The following KCND2 variants were observed in gnomAD, a reference collection of about 807,000 sequenced individuals.
The protein encoded by KCND2 is potassium voltage-gated channel subfamily D member 2.
In KCND2, 16 loss-of-function variants were observed where a neutral mutation model predicts 54.4. That is an observed-to-expected ratio of 0.29 (90% confidence interval 0.20 to 0.45). KCND2 has a LOEUF of 0.45. Ranked by LOEUF, KCND2 falls within the 20% of genes least tolerant of loss-of-function variation. The pLI is 1.00. For missense variants in KCND2, 486 were observed against 824.2 expected (o/e 0.59, Z 5.02); for synonymous variants, 317 against 310.7 (o/e 1.02, Z -0.21).
At chr7:120,629,216 A>G (rs894483839) in intron 1 of KCND2, among the ~76,000 whole-genome samples, 7 of 152,212 alleles carry the variant, frequency 4.6e-5, no homozygotes, top group Admixed American at 2.0e-4. Flanking sequence ...GGCCGGGCAC[A>G]GTGGCTCACG....
intron 1 of KCND2, among the ~76,000 whole-genome samples, chr7:120,719,575 C>T (rs1354952016): frequency 3.9e-5 from 6 of 152,114 alleles, no homozygotes; most frequent in Non-Finnish European, 8.8e-5. Flanking sequence ...CATCTGCAAT[C>T]TTATAATCTC....
chr7:120,689,024 G>GC (rs1341082531), intron 1 of KCND2, among the ~76,000 whole-genome samples: 1 of 152,074 alleles, frequency 6.6e-6, no homozygotes, highest in African/African-American at 2.4e-5. Flanking sequence ...TCCAATTGGT[G>GC]CCCCCTCTGC....
chr7:120,507,629 T>G (rs1251539987), intron 1 of KCND2, among the ~76,000 whole-genome samples: 1 of 151,892 alleles, frequency 6.6e-6, no homozygotes, highest in African/African-American at 2.4e-5. Flanking sequence ...GAATATGAGG[T>G]GACCTTAAGA....
chr7:120,363,250 T>A (rs1178501969), intron 1 of KCND2, among the ~76,000 whole-genome samples: 1 of 152,044 alleles, frequency 6.6e-6, no homozygotes, highest in Non-Finnish European at 1.5e-5. Flanking sequence ...GAGCTTTTAT[T>A]GTGTCACTGC....
At chr7:120,314,027 A>T (rs1799777971) in intron 1 of KCND2, among the ~76,000 whole-genome samples, 1 of 151,962 alleles carries the variant, frequency 6.6e-6, no homozygotes, top group South Asian at 2.1e-4. Flanking sequence ...TTAAAAAATC[A>T]ACAAATACAG....
At chr7:120,624,861 C>A (rs1436281849) in intron 1 of KCND2, among the ~76,000 whole-genome samples, 1 of 151,338 alleles carries the variant, frequency 6.6e-6, no homozygotes, top group African/African-American at 2.4e-5. Context: ...ATGTGAAAAA[C>A]AGAAATGACA....
chr7:120,432,360 T>C (rs1256381604), intron 1 of KCND2, among the ~76,000 whole-genome samples: 4 of 152,194 alleles, frequency 2.6e-5, no homozygotes, highest in African/African-American at 7.2e-5. Flanking sequence ...ACTTCATTGC[T>C]TTTAATAACC....
intron 1 of KCND2, among the ~76,000 whole-genome samples, chr7:120,618,620 G>A (rs574611275): frequency 1.3e-5 from 2 of 151,914 alleles, no homozygotes; most frequent in Admixed American, 6.6e-5. Context: ...TGCAGGCTTT[G>A]TATTGTCTTC....
chr7:120,559,939 G>A (rs1366898717), intron 1 of KCND2, among the ~76,000 whole-genome samples: 1 of 152,134 alleles, frequency 6.6e-6, no homozygotes, highest in Non-Finnish European at 1.5e-5. Flanking sequence ...GGAGCAGAAA[G>A]TTCTCAGATG....
intron 1 of KCND2, among the ~76,000 whole-genome samples, chr7:120,594,205 A>G (rs1792705689): frequency 6.6e-6 from 1 of 152,248 alleles, no homozygotes; most frequent in South Asian, 2.1e-4. Flanking sequence ...AGTAGATTTC[A>G]TGAAATCTGT....
chr7:120,353,196 G>A (rs766934974), intron 1 of KCND2, among the ~76,000 whole-genome samples: 1 of 128,024 alleles, frequency 7.8e-6, no homozygotes, highest in Non-Finnish European at 1.6e-5. Flanking sequence ...AATTTGCTAA[G>A]GTTACTCATC....
intron 1 of KCND2, among the ~76,000 whole-genome samples, chr7:120,523,352 G>T (rs1791723348): frequency 6.6e-6 from 1 of 150,886 alleles, no homozygotes; most frequent in Non-Finnish European, 1.5e-5. Flanking sequence ...AGATAATTCA[G>T]AAAAAAAGTA....
At chr7:120,345,495 G>T (rs1049222603) in intron 1 of KCND2, among the ~76,000 whole-genome samples, 1 of 152,054 alleles carries the variant, frequency 6.6e-6, no homozygotes, top group African/African-American at 2.4e-5. Flanking sequence ...CTAGAAATTT[G>T]TCACCTTACA....
intron 1 of KCND2, among the ~76,000 whole-genome samples, chr7:120,508,391 TC>T (rs1160404195): frequency 2.0e-5 from 3 of 151,926 alleles, no homozygotes; most frequent in African/African-American, 4.8e-5. Flanking sequence ...TTTTGTAGCA[TC>T]CCAGATGAGA....
intron 1 of KCND2, among the ~76,000 whole-genome samples, chr7:120,633,169 T>C (rs1295868105): frequency 2.0e-5 from 3 of 152,178 alleles, no homozygotes; most frequent in Non-Finnish European, 4.4e-5. Flanking sequence ...ATATCATTCT[T>C]TTTTTTGAGA....
intron 1 of KCND2, among the ~76,000 whole-genome samples, chr7:120,510,685 A>G (rs1414569793): frequency 6.6e-6 from 1 of 152,032 alleles, no homozygotes; most frequent in African/African-American, 2.4e-5. Context: ...CCACATTCAA[A>G]ACTATTTGAC....
intron 1 of KCND2, among the ~76,000 whole-genome samples, chr7:120,472,680 T>C (rs576659208): frequency 2.0e-5 from 3 of 152,120 alleles, no homozygotes; most frequent in Non-Finnish European, 4.4e-5. Flanking sequence ...TATGAAACAC[T>C]CAAGCTTTGC....
chr7:120,387,598 A>G (rs181114313), intron 1 of KCND2, among the ~76,000 whole-genome samples: 5 of 152,142 alleles, frequency 3.3e-5, no homozygotes, highest in Admixed American at 2.6e-4. Flanking sequence ...TCCAAACTGT[A>G]TTTTATAAAT....
chr7:120,416,040 A>G (rs1394085592), intron 1 of KCND2, among the ~76,000 whole-genome samples: 1 of 152,086 alleles, frequency 6.6e-6, no homozygotes, highest in Middle Eastern at 3.2e-3. Context: ...CCACATTTCT[A>G]CCATTATGAC....
Sources: allele counts gnomAD v4.1 joint callset (sites outside exome capture counted in the v4.1 genomes callset), GRCh38; gene constraint gnomAD v4.1.1; transcripts MANE v1.5; gene names NCBI Gene and HGNC (gene_info 2026-07-23, HGNC 2026-07-21).